The following PIGL variants were observed in gnomAD, a reference collection of about 807,000 sequenced individuals.
PIGL encodes N-acetylglucosaminyl-phosphatidylinositol de-N-acetylase.
A neutral mutation model predicts 31.1 loss-of-function variants in PIGL; 22 were observed. The observed-to-expected ratio is 0.71, with a 90% CI of 0.51 to 1.01. The LOEUF is 1.01. PIGL is among the 50% of genes least tolerant of loss of function. PIGL has a pLI of 0.00. For missense variants in PIGL, 302 were observed against 315.9 expected, an observed-to-expected ratio of 0.96 and a Z score of 0.33; for synonymous variants, 131 against 117.4, an observed-to-expected ratio of 1.12 and a Z score of -0.75.
chr17:16,307,772 G>T (rs2093032111), intron 3 of PIGL, among the ~76,000 whole-genome samples: 1 of 152,012 alleles, frequency 6.6e-6, no homozygotes, highest in African/African-American at 2.4e-5. Flanking sequence ...TTTGAGACCA[G>T]CCTGGGCAAC....
chr17:16,220,858 C>T (rs1390871064), intron 1 of PIGL, among the ~76,000 whole-genome samples: 2 of 152,154 alleles, frequency 1.3e-5, no homozygotes, highest in Non-Finnish European at 2.9e-5. Context: ...GTCTCGAACT[C>T]CTGACCTCAG....
intron 2 of PIGL, among the ~76,000 whole-genome samples, chr17:16,259,134 G>A (rs936182342): frequency 2.0e-5 from 3 of 152,202 alleles, no homozygotes; most frequent in African/African-American, 7.2e-5. Flanking sequence ...CAACTGTTAT[G>A]ATCAGATAGA....
intron 4 of PIGL, among the ~76,000 whole-genome samples, chr17:16,314,275 A>C (rs1037686055): frequency 1.3e-5 from 2 of 152,210 alleles, no homozygotes; most frequent in Non-Finnish European, 2.9e-5. Context: ...GGCCTGTCCC[A>C]GCTACTGAGG....
At chr17:16,239,990 C>T (rs1199299659) in intron 2 of PIGL, among the ~76,000 whole-genome samples, 1 of 152,070 alleles carries the variant, frequency 6.6e-6, no homozygotes, top group East Asian at 1.9e-4. Context: ...TCTGTGTCCC[C>T]ACCAAAATCT....
In PIGL at chr17:16,266,321, G is replaced by A. The variant is rs185552731; in HGVS notation, c.335+32251G>A. The stretch of plus-strand genomic sequence containing the variant: ...GAAGAATCGCTTGAACCTGAGAGAG[G>A]GAGCTTGCAGTGAGCCGAGATCGCG... On this transcript the variant is annotated intron_variant, in intron 2 of 6. Coordinates refer to ENST00000225609, the MANE Select transcript of PIGL (RefSeq NM_004278.4). 1.5e-4 allele frequency among the ~76,000 whole-genome samples: 22 copies of A among 149,560 alleles called. No individual in the cohort carries two copies. In the East Asian group the frequency reaches 4.4e-3, roughly 30 times the overall value.
chr17:16,227,197 C>T (rs1011391895), intron 1 of PIGL, among the ~76,000 whole-genome samples: 2 of 152,028 alleles, frequency 1.3e-5, no homozygotes, highest in East Asian at 3.9e-4. Context: ...CAACCTCCAC[C>T]TCTCGGGTTC....
intron 2 of PIGL, among the ~76,000 whole-genome samples, chr17:16,248,129 ACCAGCCTTGG>A (rs2092756615): frequency 6.6e-6 from 1 of 152,108 alleles, no homozygotes; most frequent in African/African-American, 2.4e-5. Flanking sequence ...CTCGTGATCC[ACCAGCCTTGG>A]CCTCCCAAAG....
chr17:16,251,813 A>C (rs1252842063), intron 2 of PIGL, among the ~76,000 whole-genome samples: 1 of 152,056 alleles, frequency 6.6e-6, no homozygotes, highest in East Asian at 1.9e-4. Context: ...TTGCCATGAC[A>C]GTCATTGCTG....
At chr17:16,323,311 G>A (rs2093113451) in intron 6 of PIGL, among the ~76,000 whole-genome samples, 1 of 151,664 alleles carries the variant, frequency 6.6e-6, no homozygotes. Context: ...TTGGCTCACT[G>A]CAACCTCCAC....
chr17:16,309,703 G>A (rs1264347855), intron 3 of PIGL, among the ~76,000 whole-genome samples: 2 of 150,946 alleles, frequency 1.3e-5, no homozygotes, highest in African/African-American at 2.4e-5. Flanking sequence ...AGAAGTTGCA[G>A]TGAGCCGAGA....
chr17:16,220,199 T>C (rs150104914), intron 1 of PIGL, among the ~76,000 whole-genome samples: 2,836 of 151,894 alleles, frequency 0.019, 60 homozygotes, highest in East Asian at 0.049. Context: ...AATACAAAAA[T>C]TAGCTGGCTG....
chr17:16,295,955 T>A (rs1309896169), intron 2 of PIGL, among the ~76,000 whole-genome samples: 1 of 151,688 alleles, frequency 6.6e-6, no homozygotes, highest in Non-Finnish European at 1.5e-5. Flanking sequence ...AATAAATAAA[T>A]AAAATAAAAT....
intron 2 of PIGL, among the ~76,000 whole-genome samples, chr17:16,267,311 G>GT (rs1259334406): frequency 6.6e-6 from 1 of 152,142 alleles, no homozygotes; most frequent in Non-Finnish European, 1.5e-5. Flanking sequence ...TTCACATTGA[G>GT]TAGGCTATCT....
At chr17:16,282,579 G>A (rs1039806210) in intron 2 of PIGL, among the ~76,000 whole-genome samples, 3 of 152,132 alleles carry the variant, frequency 2.0e-5, no homozygotes, top group African/African-American at 7.2e-5. Flanking sequence ...AGGCTAACAG[G>A]ACTACTTAGA....
intron 2 of PIGL, among the ~76,000 whole-genome samples, chr17:16,271,358 C>G (rs560501728): frequency 6.6e-6 from 1 of 152,142 alleles, no homozygotes; most frequent in South Asian, 2.1e-4. Context: ...GTTAGATTAT[C>G]TCTGAGGTTT....
At chr17:16,233,908 T>G (rs915922345) in intron 1 of PIGL, 63 bp from the exon 2 acceptor site, 44 of 807,286 alleles carry the variant, frequency 5.5e-5, no homozygotes, top group Non-Finnish European at 8.5e-5. Context: ...TAAGAATGAG[T>G]GAATAGATAG....
chr17:16,323,319 C>T (rs892069967), intron 6 of PIGL, among the ~76,000 whole-genome samples: 2 of 151,960 alleles, frequency 1.3e-5, no homozygotes, highest in Admixed American at 1.3e-4. Context: ...CTGCAACCTC[C>T]ACCTCCCAGG....
At chr17:16,317,694 G>A (rs2093083810) in intron 5 of PIGL, 81 bp from the exon 6 acceptor site, 10 of 1,597,030 alleles carry the variant, frequency 6.3e-6, no homozygotes, top group Non-Finnish European at 4.3e-6. Flanking sequence ...CTGAGCCACA[G>A]GGTAGAGGGA....
chr17:16,222,349 C>G (rs1191820293), intron 1 of PIGL, among the ~76,000 whole-genome samples: 1 of 151,700 alleles, frequency 6.6e-6, no homozygotes, highest in African/African-American at 2.4e-5. Context: ...ATCAGTAACT[C>G]TTGGATTTGC....
Sources: allele counts gnomAD v4.1 joint callset (sites outside exome capture counted in the v4.1 genomes callset), GRCh38; gene constraint gnomAD v4.1.1; transcripts MANE v1.5; gene names NCBI Gene and HGNC (gene_info 2026-07-23, HGNC 2026-07-21).